Variants in KLHL36 observed in about 807,000 individuals in gnomAD.
KLHL36 encodes the protein kelch-like protein 36.
Under a neutral mutation model 53.3 loss-of-function variants are expected in KLHL36, and 35 were observed. The observed-to-expected ratio is 0.66, with a 90% CI of 0.50 to 0.87. The LOEUF (loss-of-function observed/expected upper bound fraction) is 0.87, where lower values mean the gene tolerates loss of function less well. Ranked by LOEUF, KLHL36 falls within the 40% of genes least tolerant of loss-of-function variation. KLHL36 has a pLI of 0.00. For missense variants in KLHL36, 864 were observed against 897.6 expected, an observed-to-expected ratio of 0.96 and a Z score of 0.48; for synonymous variants, 472 against 398.9, an observed-to-expected ratio of 1.18 and a Z score of -2.18.
rs1038106315 is a variant in KLHL36, at chr16:84,666,383, C to T, written c.*4250C>T. On this transcript the variant is annotated 3_prime_UTR_variant, in exon 5 of 5. Transcript: ENST00000564996. The stretch of plus-strand genomic sequence containing the variant: ...ACAGCTCTAGAATTTCGTGAAGTTG[C>T]ATGCAAAGTTGCATGCAGCCCGTGG... The T allele has an allele frequency of 6.6e-6, 1 of 152,102 alleles. No individual in the cohort carries two copies. Among genetic ancestry groups the T allele is most frequent in the Non-Finnish European group, 1.5e-5 (1 of 68,036 alleles). The allele number at this position is 152,102 out of a possible 1,614,324, so 9.4% of individuals were successfully genotyped here.
rs929448449 is a variant in KLHL36, at chr16:84,662,054, G to T, written c.1772G>T (p.Cys591Phe). The change falls in exon 5 of 5, where the codon TGT becomes TTT. Residue 591 changes from cysteine (C) to phenylalanine (F), a missense_variant. Physicochemically the swap from Cys to Phe is radical, Grantham distance 205. Coordinates refer to ENST00000564996, the MANE Select transcript of KLHL36 (RefSeq NM_024731.4). ...AAGGCCATCGCTGGCGGGTCCGCCT[G>T]TGTCTGCGCCCTGGAGCCACGGCCA... ...LPKAIAGGSA[C>F]VCALEPRPED... 3.2e-6 allele frequency: 5 copies of T among 1,582,856 alleles called. No homozygotes were observed. Among genetic ancestry groups the T allele is most frequent in the Non-Finnish European group, 4.3e-6 (5 of 1,165,348 alleles).
intron 1 of KLHL36, 106 bp from the exon 2 acceptor site, chr16:84,650,746 G>C (rs971331746): frequency 1.7e-5 from 13 of 768,192 alleles, no homozygotes; most frequent in African/African-American, 3.5e-5. Flanking sequence ...TCCTTCTTCC[G>C]TGTGACTGTT....
In KLHL36 at chr16:84,663,574, C is replaced by G. The variant is rs1273344950; in HGVS notation, c.*1441C>G. On this transcript the variant is annotated 3_prime_UTR_variant, in exon 5 of 5. Coordinates refer to ENST00000564996, the MANE Select transcript of KLHL36 (RefSeq NM_024731.4). ...AGAGATCAGTAAACTTCAAGATGTG[C>G]TTCATCTTCAATCCTAGTCTAACAC... 6.6e-6 allele frequency: 1 copy of G among 152,092 alleles called. No individual in the cohort carries two copies. The highest frequency in any genetic ancestry group is 2.4e-5 in the African/African-American group (1 of 41,392). 9.4% of individuals were successfully genotyped at this position (152,092 alleles called of 1,614,324 possible).
Position 84,662,007 on chromosome 16 carries a change from G to A in KLHL36, c.1725G>A (p.Trp575Ter), listed in dbSNP as rs1311564296. Residue 575 changes from tryptophan to a stop codon, truncating the protein, a stop_gained, in exon 5 of 5, where the codon TGG becomes TGA. Coordinates refer to ENST00000564996, the MANE Select transcript of KLHL36 (RefSeq NM_024731.4). LOFTEE classifies it high-confidence loss of function. Reference sequence around the variant, plus strand: ...TGTACGACCGCGAGGCCGACAAGTGGAGCAGGGGCGTCGACCTGCCCAAGG... The same window carrying A: ...TGTACGACCGCGAGGCCGACAAGTGAAGCAGGGGCGTCGACCTGCCCAAGG... ...VQVYDREADK[W>*]SRGVDLPKAI... The A allele has an allele frequency of 6.3e-7, 1 of 1,592,182 alleles. No homozygotes were observed. Among genetic ancestry groups the A allele is most frequent in the Admixed American group, 1.8e-5 (1 of 55,372 alleles).
intron 2 of KLHL36, among the ~76,000 whole-genome samples, chr16:84,655,117 G>A (rs1043411816): frequency 3.3e-5 from 5 of 152,228 alleles, no homozygotes; most frequent in East Asian, 1.9e-4. Context: ...ATGGAAGAGC[G>A]GGAGAGCCCG....
chr16:84,661,506 TC>T lies in KLHL36; in HGVS notation c.1296-68del, dbSNP rs1907543282. 6.9e-7 allele frequency: 1 copy of T among 1,450,234 alleles called. No individual in the cohort carries two copies. Among genetic ancestry groups the T allele is most frequent in the Non-Finnish European group, 9.3e-7 (1 of 1,074,952 alleles). 89.8% of individuals were successfully genotyped at this position (1,450,234 alleles called of 1,614,324 possible). ...ATGGCCCTCTAAGACGGCAGGCTGT[TC>T]CCCGGCTCGGAGGGGGTAAGCCTGG... On this transcript the variant is annotated intron_variant, in intron 4 of 4. Transcript: ENST00000564996. This position sits in a 1 kb window ranked among gnomAD's most constrained non-coding sequence, Gnocchi z 7.9.
intron 4 of KLHL36, among the ~76,000 whole-genome samples, chr16:84,660,291 G>T (rs117825597): frequency 0.02 from 3,112 of 152,212 alleles, 52 homozygotes; most frequent in Middle Eastern, 0.068. Flanking sequence ...TCTTCACCCC[G>T]CTCGGCCTTT....
Position 84,657,940 on chromosome 16 carries a change from T to C in KLHL36, c.1133T>C (p.Ile378Thr). The change falls in exon 3 of 5, where the codon ATC (isoleucine) becomes ACC (threonine). Residue 378 changes from isoleucine to threonine, a missense_variant. Coordinates refer to ENST00000564996, the MANE Select transcript of KLHL36 (RefSeq NM_024731.4). ...TATGACCCCCGCTGTAAACAGTGGA[T>C]CAAGGTGAGATTAAAGCCAGATTAT... ...YRYDPRCKQWIKVASMNQRRV... is the reference protein window; with the variant it reads ...YRYDPRCKQWTKVASMNQRRV... 1 of 1,510,914 alleles carries C rather than the reference T, an allele frequency of 6.6e-7. No individual in the cohort carries two copies. The highest frequency in any genetic ancestry group is 8.9e-7 in the Non-Finnish European group (1 of 1,129,434). The allele number at this position is 1,510,914 out of a possible 1,614,324, so 93.6% of individuals were successfully genotyped here. A position where few individuals can be genotyped will look rare whatever the true frequency, so the allele number is the denominator to read the frequency against.
chr16:84,653,791 G>A (rs956162314), intron 2 of KLHL36, among the ~76,000 whole-genome samples: 6 of 141,598 alleles, frequency 4.2e-5, no homozygotes, highest in Non-Finnish European at 6.0e-5. Flanking sequence ...AGTGAGCCGA[G>A]ATCGAGCCAC....
rs1220031027 is a variant in KLHL36, at chr16:84,667,278, G to A, written c.*5145G>A. On this transcript the variant is annotated 3_prime_UTR_variant, in exon 5 of 5. Transcript: ENST00000564996. Reference sequence around the variant, plus strand: ...AAGAGTCATGTCCTTTGGATTGATTGAGGTTAAATCATCAACCACTAGCCC... The same window carrying A: ...AAGAGTCATGTCCTTTGGATTGATTAAGGTTAAATCATCAACCACTAGCCC... 1 of 152,154 alleles carries A rather than the reference G, an allele frequency of 6.6e-6. No individual in the cohort carries two copies. Among genetic ancestry groups the A allele is most frequent in the Non-Finnish European group, 1.5e-5 (1 of 68,026 alleles). 9.4% of individuals were successfully genotyped at this position (152,154 alleles called of 1,614,324 possible). A position where few individuals can be genotyped will look rare whatever the true frequency, so the allele number is the denominator to read the frequency against.
Position 84,648,915 on chromosome 16 carries a change from C to G in KLHL36, c.-17+266C>G, listed in dbSNP as rs12932409. Reference sequence around the variant, plus strand: ...GAGTGGCCCCCGCCCCGGGCCGTCCCGACTCCGCCTCCTCGCCGCCGGCTG... The same window carrying G: ...GAGTGGCCCCCGCCCCGGGCCGTCCGGACTCCGCCTCCTCGCCGCCGGCTG... On this transcript the variant is annotated intron_variant, in intron 1 of 4. Transcript: ENST00000564996. The surrounding 1 kb of genome is among the most constrained non-coding windows in gnomAD (Gnocchi z 4.9). 1.3e-5 allele frequency: 2 copies of G among 152,236 alleles called. No individual in the cohort carries two copies. Among genetic ancestry groups the G allele is most frequent in the South Asian group, 2.1e-4 (1 of 4,844 alleles). 9.4% of individuals were successfully genotyped at this position (152,236 alleles called of 1,614,324 possible).
chr16:84,651,100 A>G (rs1374690389), intron 2 of KLHL36, among the ~76,000 whole-genome samples, 170 bp downstream of exon 2: 7 of 152,180 alleles, frequency 4.6e-5, no homozygotes, highest in African/African-American at 1.7e-4. Context: ...TCATAAAATC[A>G]GACAGTGGGA....
In KLHL36 at chr16:84,659,203, T is replaced by C. The variant is rs1194148852; in HGVS notation, c.1138-557T>C. On this transcript the variant is annotated intron_variant, in intron 3 of 4. Transcript: ENST00000564996. ...TTTCAGTAGAGACGGGGTTTCACCA[T>C]GTTGGCCAGGCTGGTCTCGAACTCC... 5 of 152,352 alleles carry C rather than the reference T, an allele frequency of 3.3e-5. No homozygotes were observed. The East Asian group carries it at 9.7e-4, about 29-fold the overall frequency. 9.4% of individuals were successfully genotyped at this position (152,352 alleles called of 1,614,324 possible).
At position 84,657,821 on chromosome 16, in the gene KLHL36, C is replaced by G; in HGVS notation, c.1014C>G (p.His338Gln). The G allele has an allele frequency of 6.2e-7, 1 of 1,607,134 alleles. No individual in the cohort carries two copies. The part of the protein sequence containing the change: ...ETPLPARRSH[H>Q]CVAVLGGFIF... ...CGCTGCCCGCCCGGCGGAGCCACCACTGTGTCGCGGTGCTGGGGGGCTTCA... is the reference window on the plus strand; with the variant it reads ...CGCTGCCCGCCCGGCGGAGCCACCAGTGTGTCGCGGTGCTGGGGGGCTTCA... Residue 338 changes from histidine to glutamine, a missense_variant, in exon 3 of 5, where the codon CAC becomes CAG. Physicochemically the swap from His to Gln is conservative, Grantham distance 24. Coordinates refer to ENST00000564996, the MANE Select transcript of KLHL36 (RefSeq NM_024731.4).
At chr16:84,656,752 G>A (rs554874284) in intron 2 of KLHL36, 119 bp from the exon 3 acceptor site, 4 of 728,112 alleles carry the variant, frequency 5.5e-6, no homozygotes, top group East Asian at 5.0e-5. Flanking sequence ...CTCTGATGCA[G>A]CATTTTATTT....
In KLHL36 at chr16:84,662,162, C is replaced by T. The variant is rs948718470; in HGVS notation, c.*29C>T. On this transcript the variant is annotated 3_prime_UTR_variant, in exon 5 of 5. Transcript: ENST00000564996. ...TAGCTGCGCCTCTTGGGACCATCCT[C>T]ACCGTCACCTCCCAGGGCTCTGTAG... 18 of 1,477,706 alleles carry T rather than the reference C, an allele frequency of 1.2e-5. No homozygotes were observed. Among genetic ancestry groups the T allele is most frequent in the African/African-American group, 5.6e-5 (4 of 72,054 alleles). The allele number at this position is 1,477,706 out of a possible 1,614,324, so 91.5% of individuals were successfully genotyped here.
Position 84,667,069 on chromosome 16 carries a change from A to AAAAAG in KLHL36, c.*4940_*4941insGAAAA, listed in dbSNP as rs11431891. On this transcript the variant is annotated 3_prime_UTR_variant, in exon 5 of 5. Transcript: ENST00000564996. Reference sequence around the variant, plus strand: ...CGAGTAAGACTGTCTCAAAAAAAAAAAAAAAAAAGAAAAGAAATTGTCCTT... The same window carrying AAAAAG: ...CGAGTAAGACTGTCTCAAAAAAAAAAAAAAGAAAAAAAAGAAAAGAAATTGTCCTT... 1 of 146,168 alleles carries AAAAAG rather than the reference A, an allele frequency of 6.8e-6. No individual in the cohort carries two copies. 9.1% of individuals were successfully genotyped at this position (146,168 alleles called of 1,614,324 possible).
chr16:84,650,727 C>T, intron 1 of KLHL36, 125 bp from the exon 2 acceptor site: 3 of 677,088 alleles, frequency 4.4e-6, no homozygotes, highest in South Asian at 3.4e-5. Flanking sequence ...GTGCACGGTC[C>T]TCCCTCCCTC....
Position 84,662,106 on chromosome 16 carries a change from C to T in KLHL36, c.1824C>T (p.Gly608=). 1 of 1,559,078 alleles carries T rather than the reference C, an allele frequency of 6.4e-7. No individual in the cohort carries two copies. The highest frequency in any genetic ancestry group is 8.7e-7 in the Non-Finnish European group (1 of 1,150,778). ...RPEDKKKKGK[G]KRHQDRGQ The stretch of plus-strand genomic sequence containing the variant: ...AGGACAAGAAGAAGAAAGGCAAAGG[C>T]AAGAGGCACCAGGACCGGGGCCAGT... Residue 608 remains glycine, a synonymous_variant, in exon 5 of 5, where the codon GGC becomes GGT. Coordinates refer to ENST00000564996, the MANE Select transcript of KLHL36 (RefSeq NM_024731.4).
Sources: allele counts gnomAD v4.1 joint callset (sites outside exome capture counted in the v4.1 genomes callset), GRCh38; gene constraint gnomAD v4.1.1; non-coding constraint Gnocchi (gnomAD v3.1); transcripts MANE v1.5; gene names NCBI Gene and HGNC (gene_info 2026-07-23, HGNC 2026-07-21).